The following EMC3 variants were observed in gnomAD, a reference collection of about 807,000 sequenced individuals.
The protein encoded by EMC3 is ER membrane protein complex subunit 3, also known as 30 kDa protein.
EMC3 carries 13 observed loss-of-function variants against 36.6 expected under a neutral mutation model. The observed-to-expected ratio is 0.35, with a 90% CI of 0.23 to 0.56. The LOEUF (loss-of-function observed/expected upper bound fraction) is 0.56. Among genes scored for constraint, EMC3 ranks in the 20% least tolerant of loss-of-function variants. The pLI is 0.84. For synonymous variants in EMC3, 120 were observed against 111.9 expected, an observed-to-expected ratio of 1.07 and a Z score of -0.46; for missense variants, 220 against 324.5, an observed-to-expected ratio of 0.68 and a Z score of 2.47.
chr3:10,007,468 C>T (rs1316031199), intron 1 of EMC3: 2 of 1,367,502 alleles, frequency 1.5e-6, no homozygotes, highest in Non-Finnish European at 2.0e-6. Flanking sequence ...TCCTGGCTGT[C>T]TAGTGTGGCA....
intron 1 of EMC3, chr3:10,007,338 T>C: frequency 7.5e-7 from 1 of 1,333,958 alleles, no homozygotes; most frequent in Non-Finnish European, 1.0e-6. Context: ...CGTCTGCCTG[T>C]GTCAATCATG....
At chr3:9,988,402 G>C, upstream of EMC3, 1 of 1,297,144 alleles carries the variant, frequency 7.7e-7, no homozygotes, top group South Asian at 1.2e-5. Context: ...GCAGCGGTCA[G>C]AACCGTATTA....
At chr3:10,002,514 G>A (rs2086215947) in intron 1 of EMC3, among the ~76,000 whole-genome samples, 1 of 152,046 alleles carries the variant, frequency 6.6e-6, no homozygotes, top group African/African-American at 2.4e-5. Flanking sequence ...TTGAACTCCT[G>A]GGATCAAGCA....
At chr3:9,997,634 A>G (rs1169722650) in intron 1 of EMC3, among the ~76,000 whole-genome samples, 2 of 151,184 alleles carry the variant, frequency 1.3e-5, no homozygotes, top group Non-Finnish European at 2.9e-5. Context: ...TAATTTTTGT[A>G]TTTTTAGTCG....
intron 1 of EMC3, among the ~76,000 whole-genome samples, chr3:9,984,955 G>C (rs1354275329): frequency 6.6e-6 from 1 of 152,178 alleles, no homozygotes; most frequent in Non-Finnish European, 1.5e-5. Flanking sequence ...GAGTTGCTTT[G>C]AAGTTTTAAA....
In EMC3 at chr3:9,963,475, A is replaced by ATTTTTTTT. The variant is rs1461623657; in HGVS notation, c.*593_*594insAAAAAAAA. On this transcript the variant is annotated 3_prime_UTR_variant, in exon 8 of 8. Coordinates refer to ENST00000245046, the MANE Select transcript of EMC3 (RefSeq NM_001394674.1). ...GATAGATATATATATATATATATAT[A>ATTTTTTTT]TATTTTTTTTTTTTTTTCAGATGGA... 8.3e-4 allele frequency: 85 copies of ATTTTTTTT among 102,526 alleles called. 1 individual carries two copies. The East Asian group carries it at 9.1e-3, about 11-fold the overall frequency. The allele number at this position is 102,526 out of a possible 1,614,324, so 6.4% of individuals were successfully genotyped here.
chr3:10,001,917 T>G (rs369305366), intron 1 of EMC3, among the ~76,000 whole-genome samples: 3 of 152,048 alleles, frequency 2.0e-5, no homozygotes, highest in African/African-American at 7.2e-5. Context: ...GAGAATTGCA[T>G]GAACCCAGGA....
chr3:10,002,396 C>T (rs2086214988), intron 1 of EMC3, among the ~76,000 whole-genome samples: 1 of 151,968 alleles, frequency 6.6e-6, no homozygotes. Context: ...TCAGGTGATC[C>T]TCCCACCTCA....
chr3:9,980,123 C>G, intron 1 of EMC3, among the ~76,000 whole-genome samples: 1 of 151,582 alleles, frequency 6.6e-6, no homozygotes. Flanking sequence ...AAGCAATTCT[C>G]CCGCCTCAGC....
chr3:9,992,843 T>C (rs2086071278), intron 1 of EMC3: 3 of 1,299,128 alleles, frequency 2.3e-6, no homozygotes, highest in Non-Finnish European at 3.3e-6. Flanking sequence ...TACTGATTGG[T>C]TAACTGTTTT....
In EMC3 at chr3:9,968,223, G is replaced by A. The variant is rs1043507619; in HGVS notation, c.657+1496C>T. ...GCGTTAACCACCATGCCCGGCCACG[G>A]CCATTTCTTTTGTTAGATTTGTTCC... is the stretch of plus-strand genomic sequence containing the variant. On this transcript the variant is annotated intron_variant, in intron 7 of 7. Coordinates refer to ENST00000245046, the MANE Select transcript of EMC3 (RefSeq NM_001394674.1). Among the ~76,000 whole-genome samples, 3 of 152,208 alleles carry A rather than the reference G, an allele frequency of 2.0e-5. No individual in the cohort carries two copies. In the East Asian group the frequency reaches 5.8e-4, roughly 29 times the overall value.
At chr3:9,987,605 A>G (rs3755783), upstream of EMC3, among the ~76,000 whole-genome samples, 25,430 of 152,192 alleles carry the variant, frequency 0.17, 2,239 homozygotes, top group South Asian at 0.25. Context: ...GAGAATGTTG[A>G]CTAATCCGGA....
chr3:9,966,015 T>C (rs1395209769), intron 7 of EMC3, among the ~76,000 whole-genome samples: 1 of 152,228 alleles, frequency 6.6e-6, no homozygotes. Context: ...TTTTCAGTTC[T>C]CTTGAGTATT....
chr3:9,993,956 T>G (rs534729666), intron 1 of EMC3, among the ~76,000 whole-genome samples: 1 of 152,424 alleles, frequency 6.6e-6, no homozygotes, highest in South Asian at 2.1e-4. Flanking sequence ...ATAACTTAAC[T>G]TCTTTGAGCT....
At chr3:9,964,296 G>A (rs1575670312) in intron 7 of EMC3, 99 bp from the exon 8 acceptor site, 2 of 1,520,356 alleles carry the variant, frequency 1.3e-6, no homozygotes, top group East Asian at 4.6e-5. Context: ...AAAAGCTGGA[G>A]TGAGCTATCT....
rs143188847 is a variant in EMC3 at position 9,975,012 on chromosome 3, T to C, written c.308-524A>G. On this transcript the variant is annotated intron_variant, in intron 3 of 7. Transcript: ENST00000245046. Reference sequence around the variant, plus strand: ...AGTAGCTGGGATTACAGGCACACACTACAATGCCCAGCTAATTTTTGTATT... The same window carrying C: ...AGTAGCTGGGATTACAGGCACACACCACAATGCCCAGCTAATTTTTGTATT... Among the ~76,000 whole-genome samples the C allele has an allele frequency of 6.5e-3, 987 of 151,514 alleles. 15 individuals are homozygous for C. Among genetic ancestry groups the C allele is most frequent in the South Asian group, 0.047 (223 of 4,794 alleles).
intron 1 of EMC3, among the ~76,000 whole-genome samples, chr3:9,986,272 A>G (rs185120477): frequency 2.6e-5 from 4 of 152,300 alleles, no homozygotes; most frequent in African/African-American, 9.6e-5. Context: ...TACGTCCTAG[A>G]TCCTGTGCTA....
At chr3:10,002,927 G>T (rs1425766323) in intron 1 of EMC3, 3 of 451,344 alleles carry the variant, frequency 6.6e-6, no homozygotes, top group African/African-American at 6.0e-5. Context: ...TGTAGCAGTG[G>T]TGGAGTCCCA....
chr3:9,999,204 G>A (rs1378712171), intron 1 of EMC3, among the ~76,000 whole-genome samples: 2 of 151,128 alleles, frequency 1.3e-5, no homozygotes, highest in Admixed American at 6.6e-5. Context: ...AGTGTCCTTT[G>A]ATGTACAAAA....
Sources: gnomAD v4.1 joint callset for allele counts (sites outside exome capture counted in the v4.1 genomes callset) on GRCh38, gnomAD v4.1.1 for gene constraint, MANE v1.5 for transcripts, NCBI Gene and HGNC (gene_info 2026-07-23, HGNC 2026-07-21) for gene names.